The following CYFIP2 variants were observed in gnomAD, a reference collection of about 807,000 sequenced individuals.
CYFIP2 encodes cytoplasmic FMR1 interacting protein 2, also known as cytoplasmic FMR1-interacting protein 2.
CYFIP2 carries 29 observed loss-of-function variants against 158.7 expected under a neutral mutation model. The ratio of observed to expected loss-of-function variants is 0.18; its 90% CI spans 0.14 to 0.25. CYFIP2 has a LOEUF of 0.25. Among genes scored for constraint, CYFIP2 ranks in the 10% least tolerant of loss-of-function variants. The pLI is 1.00. For missense variants in CYFIP2, 852 were observed against 1,639.5 expected (o/e 0.52, Z 8.29); for synonymous variants, 585 against 617.6 (o/e 0.95, Z 0.78).
chr5:157,379,706 G>A (rs1286470857), intron 26 of CYFIP2, among the ~76,000 whole-genome samples: 6 of 135,898 alleles, frequency 4.4e-5, no homozygotes, highest in Middle Eastern at 3.7e-3. Flanking sequence ...CACACCAGAC[G>A]CAGATGGTTT....
At chr5:157,377,870 T>G (rs1407361468) in intron 26 of CYFIP2, among the ~76,000 whole-genome samples, 1 of 152,240 alleles carries the variant, frequency 6.6e-6, no homozygotes, top group Non-Finnish European at 1.5e-5. Context: ...AATGTTTACA[T>G]GAGATGTGGG....
chr5:157,325,931 G>A (rs1760987606), intron 17 of CYFIP2: 1 of 546,108 alleles, frequency 1.8e-6, no homozygotes, highest in East Asian at 3.0e-5. Flanking sequence ...GCTACCTGAT[G>A]TGTTTTAGTC....
In CYFIP2 at chr5:157,343,406, A is replaced by T. The variant is rs143540854; in HGVS notation, c.2673+2249A>T. The stretch of plus-strand genomic sequence containing the variant: ...CTCCTCGTGGTGGAAGCTGTAGCGA[A>T]GATAGCCAGAGAAGATGCTGTTCCA... On this transcript the variant is annotated intron_variant, in intron 23 of 30. Transcript: ENST00000620254. The T allele has an allele frequency of 2.7e-4, 438 of 1,614,072 alleles. 2 individuals are homozygous for T. Among genetic ancestry groups the T allele is most frequent in the Non-Finnish European group, 5.2e-5 (61 of 1,180,042 alleles).
intron 1 of CYFIP2, among the ~76,000 whole-genome samples, chr5:157,272,496 A>G (rs534966077): frequency 8.5e-4 from 130 of 152,368 alleles, no homozygotes; most frequent in Non-Finnish European, 1.7e-3. Flanking sequence ...ACAACCATCC[A>G]GCACCCACCC....
intron 30 of CYFIP2, 111 bp from the exon 31 acceptor site, chr5:157,392,722 G>C: frequency 8.3e-7 from 1 of 1,207,118 alleles, no homozygotes; most frequent in Admixed American, 2.2e-5. Context: ...TTAAGAAAGT[G>C]ACATGATCAC....
At chr5:157,382,685 G>A (rs1020068186) in intron 27 of CYFIP2, 23 bp downstream of exon 27, 5 of 1,611,358 alleles carry the variant, frequency 3.1e-6, no homozygotes, top group Non-Finnish European at 3.4e-6. Flanking sequence ...TACAGCAGCT[G>A]AATAGCCAAC....
At chr5:157,385,946 A>G (rs951582511) in intron 28 of CYFIP2, among the ~76,000 whole-genome samples, 3 of 152,124 alleles carry the variant, frequency 2.0e-5, no homozygotes, top group African/African-American at 7.2e-5. Flanking sequence ...AGCTATGTTA[A>G]ACACTCCCCT....
chr5:157,358,451 A>T (rs1453801051), intron 23 of CYFIP2, among the ~76,000 whole-genome samples: 1 of 152,174 alleles, frequency 6.6e-6, no homozygotes, highest in Non-Finnish European at 1.5e-5. Flanking sequence ...ATAGATGTGG[A>T]AACTAAGGCT....
Position 157,266,609 on chromosome 5 carries a change from C to T in CYFIP2, c.-24+414C>T, listed in dbSNP as rs1035906258. 3 of 152,418 alleles carry T rather than the reference C, an allele frequency of 2.0e-5. No homozygotes were observed. Among genetic ancestry groups the T allele is most frequent in the Non-Finnish European group, 2.9e-5 (2 of 68,240 alleles). The allele number at this position is 152,418 out of a possible 1,614,324, so 9.4% of individuals were successfully genotyped here. On this transcript the variant is annotated intron_variant, in intron 1 of 30. Coordinates refer to ENST00000620254, the MANE Select transcript of CYFIP2 (RefSeq NM_001037333.3). The surrounding 1 kb of genome is among the most constrained non-coding windows in gnomAD (Gnocchi z 4.2). Reference sequence around the variant, plus strand: ...GGTACTGCAGAGCGCTGGCCCCTGCCTCTGCCGCCGTGACCACCGTCACCT... The same window carrying T: ...GGTACTGCAGAGCGCTGGCCCCTGCTTCTGCCGCCGTGACCACCGTCACCT...
chr5:157,338,280 G>A (rs1761999944), intron 21 of CYFIP2, among the ~76,000 whole-genome samples: 1 of 151,770 alleles, frequency 6.6e-6, no homozygotes, highest in South Asian at 2.1e-4. Context: ...ATCATGAGCT[G>A]ACTGCAGACT....
intron 21 of CYFIP2, among the ~76,000 whole-genome samples, chr5:157,336,898 C>A (rs1277051761): frequency 6.6e-6 from 1 of 152,218 alleles, no homozygotes; most frequent in Non-Finnish European, 1.5e-5. Context: ...GCAGAAATAT[C>A]GTCTGGGTTA....
At chr5:157,296,982 T>C (rs931805471) in intron 5 of CYFIP2, among the ~76,000 whole-genome samples, 1 of 152,204 alleles carries the variant, frequency 6.6e-6, no homozygotes, top group African/African-American at 2.4e-5. Flanking sequence ...GTGTGTTTTG[T>C]GTAGGAGGAG....
At chr5:157,342,798 G>T in intron 23 of CYFIP2, 1 of 1,483,968 alleles carries the variant, frequency 6.7e-7, no homozygotes, top group Non-Finnish European at 9.1e-7. Flanking sequence ...AGACACATTT[G>T]TACAAACGAC....
chr5:157,368,537 G>A (rs1298780575), intron 26 of CYFIP2, among the ~76,000 whole-genome samples: 3 of 152,168 alleles, frequency 2.0e-5, no homozygotes, highest in African/African-American at 7.2e-5. Context: ...GTTTCTCTTA[G>A]CCCAGACACA....
chr5:157,375,244 C>T (rs1233315430), intron 26 of CYFIP2, among the ~76,000 whole-genome samples: 1 of 152,166 alleles, frequency 6.6e-6, no homozygotes. Flanking sequence ...CCTGAGAGGC[C>T]ATAGCTCTGG....
chr5:157,345,347 G>A (rs1762600144), intron 23 of CYFIP2: 1 of 152,600 alleles, frequency 6.6e-6, no homozygotes, highest in Non-Finnish European at 1.5e-5. Context: ...ACATTTTTAA[G>A]AGCTTTCTGT....
chr5:157,301,445 T>C (rs1758740068), intron 6 of CYFIP2, among the ~76,000 whole-genome samples: 1 of 152,138 alleles, frequency 6.6e-6, no homozygotes, highest in African/African-American at 2.4e-5. Context: ...AGTGCAGCAA[T>C]CCCAGCTTCT....
intron 8 of CYFIP2, 140 bp downstream of exon 8, chr5:157,304,506 C>A (rs1759052344): frequency 2.1e-6 from 2 of 969,540 alleles, no homozygotes; most frequent in South Asian, 3.6e-5. Flanking sequence ...TGGTTTGTAA[C>A]CTGTTCCTTT....
intron 14 of CYFIP2, 82 bp downstream of exon 14, chr5:157,320,010 C>G (rs1760463853): frequency 3.2e-6 from 5 of 1,538,678 alleles, no homozygotes; most frequent in Non-Finnish European, 4.4e-6. Context: ...GGCTCAGCCA[C>G]TGAACACACA....
Sources: allele counts gnomAD v4.1 joint callset (sites outside exome capture counted in the v4.1 genomes callset), GRCh38; gene constraint gnomAD v4.1.1; non-coding constraint Gnocchi (gnomAD v3.1); transcripts MANE v1.5; gene names NCBI Gene and HGNC (gene_info 2026-07-23, HGNC 2026-07-21).